Variants in ATAD2B observed in about 807,000 individuals in gnomAD.
ATAD2B encodes the protein ATPase family AAA domain-containing protein 2B.
ATAD2B carries 40 observed loss-of-function variants against 167.6 expected under a neutral mutation model. The ratio of observed to expected loss-of-function variants is 0.24; its 90% CI spans 0.19 to 0.31. The LOEUF is 0.31. Among genes scored for constraint, ATAD2B ranks in the 10% least tolerant of loss-of-function variants. ATAD2B has a pLI of 1.00. For missense variants in ATAD2B, 1,242 were observed against 1,757.2 expected, an observed-to-expected ratio of 0.71 and a Z score of 5.24; for synonymous variants, 579 against 596.5, an observed-to-expected ratio of 0.97 and a Z score of 0.43.
the ATAD2B span, among the ~76,000 whole-genome samples, chr2:23,742,971 G>A: frequency 6.6e-6 from 1 of 152,094 alleles, no homozygotes; most frequent in Non-Finnish European, 1.5e-5. Flanking sequence ...TGAAATTCCA[G>A]AGCATCAGAG....
the ATAD2B span, among the ~76,000 whole-genome samples, chr2:23,740,593 T>C: frequency 2.0e-5 from 3 of 152,178 alleles, no homozygotes; most frequent in African/African-American, 7.2e-5. Flanking sequence ...ACAGCCGATA[T>C]CATACTGAAT....
chr2:23,773,235 T>C (rs1182217257), intron 22 of ATAD2B, among the ~76,000 whole-genome samples: 3 of 152,154 alleles, frequency 2.0e-5, no homozygotes, highest in African/African-American at 7.2e-5. Context: ...GTTGGGCATG[T>C]TGGCTCACAT....
At chr2:23,831,426 T>C (rs545287848) in intron 14 of ATAD2B, among the ~76,000 whole-genome samples, 2 of 152,366 alleles carry the variant, frequency 1.3e-5, no homozygotes, top group Admixed American at 6.5e-5. Flanking sequence ...GATATTCTAT[T>C]GGCCAAACCA....
intron 12 of ATAD2B, among the ~76,000 whole-genome samples, chr2:23,859,393 T>C (rs1166143230): frequency 6.6e-6 from 1 of 152,008 alleles, no homozygotes; most frequent in Non-Finnish European, 1.5e-5. Flanking sequence ...CACCTCAGCC[T>C]CCACCCACCA....
chr2:23,693,516 G>A, the ATAD2B span: 32 of 1,550,264 alleles, frequency 2.1e-5, no homozygotes, highest in Middle Eastern at 3.3e-4. Flanking sequence ...AGGACCCCGC[G>A]ACACGCACAC....
chr2:23,900,815 CAAG>C (rs2150408165), intron 1 of ATAD2B: 1 of 152,266 alleles, frequency 6.6e-6, no homozygotes, highest in South Asian at 2.1e-4. Context: ...ACAAACTGAC[CAAG>C]AAGGGTCTGC....
chr2:23,737,688 G>A, the ATAD2B span, among the ~76,000 whole-genome samples: 1 of 152,226 alleles, frequency 6.6e-6, no homozygotes, highest in Non-Finnish European at 1.5e-5. Context: ...ACGGAACAAA[G>A]CTGGACGCAG....
intron 16 of ATAD2B, among the ~76,000 whole-genome samples, chr2:23,820,205 G>C (rs992172387): frequency 6.6e-6 from 1 of 151,550 alleles, no homozygotes; most frequent in African/African-American, 2.4e-5. Flanking sequence ...AAAAATCTCT[G>C]AGTTAATTTT....
At chr2:23,736,893 A>G in the ATAD2B span, among the ~76,000 whole-genome samples, 1 of 152,192 alleles carries the variant, frequency 6.6e-6, no homozygotes, top group African/African-American at 2.4e-5. Context: ...CCAGGAGATT[A>G]TATCCCGCAC....
At chr2:23,792,864 T>G (rs970543426) in intron 19 of ATAD2B, among the ~76,000 whole-genome samples, 1 of 142,690 alleles carries the variant, frequency 7.0e-6, no homozygotes, top group Admixed American at 7.7e-5. Flanking sequence ...CCAGGAGGCT[T>G]AGGCAGAAGA....
At chr2:23,754,098 C>T (rs920492860) in intron 27 of ATAD2B, 81 bp downstream of exon 27, 1 of 1,201,246 alleles carries the variant, frequency 8.3e-7, no homozygotes, top group African/African-American at 1.6e-5. Flanking sequence ...TAGATGTAGG[C>T]AAAATAACTT....
chr2:23,855,133 G>A (rs535044319), intron 13 of ATAD2B, among the ~76,000 whole-genome samples: 2 of 151,412 alleles, frequency 1.3e-5, no homozygotes, highest in African/African-American at 4.8e-5. Context: ...TGCGGAGGTT[G>A]CAGTGAGCTG....
chr2:23,888,741 T>G (rs999937151), intron 2 of ATAD2B, among the ~76,000 whole-genome samples: 3 of 152,210 alleles, frequency 2.0e-5, no homozygotes, highest in African/African-American at 7.2e-5. Flanking sequence ...CTATTGGTTT[T>G]GGTTGATGAA....
At chr2:23,862,192 T>G (rs1216861854) in intron 12 of ATAD2B, among the ~76,000 whole-genome samples, 2 of 150,074 alleles carry the variant, frequency 1.3e-5, no homozygotes, top group Non-Finnish European at 3.0e-5. Flanking sequence ...GCGTGACCCT[T>G]TCAAAAAAAA....
chr2:23,737,847 T>C, the ATAD2B span, among the ~76,000 whole-genome samples: 2 of 151,832 alleles, frequency 1.3e-5, no homozygotes, highest in African/African-American at 4.8e-5. Flanking sequence ...TGCAGAGAAG[T>C]CCTTAAAGGA....
intron 18 of ATAD2B, among the ~76,000 whole-genome samples, chr2:23,807,423 G>A (rs917259906): frequency 6.6e-6 from 1 of 152,128 alleles, no homozygotes; most frequent in Non-Finnish European, 1.5e-5. Context: ...TTGATCAGAA[G>A]ACTGAAGATA....
At chr2:23,680,176 G>A in the ATAD2B span, among the ~76,000 whole-genome samples, 1 of 152,206 alleles carries the variant, frequency 6.6e-6, no homozygotes, top group Non-Finnish European at 1.5e-5. This position sits in a 1 kb window ranked among gnomAD's most constrained non-coding sequence, Gnocchi z 4.1. Flanking sequence ...CTCACTCAGG[G>A]TGCTGGAGGG....
chr2:23,758,588 G>A (rs1237086974), intron 24 of ATAD2B, among the ~76,000 whole-genome samples: 1 of 152,150 alleles, frequency 6.6e-6, no homozygotes, highest in East Asian at 1.9e-4. Flanking sequence ...ACAGTTAAGG[G>A]TATCCTCACA....
intron 1 of ATAD2B, among the ~76,000 whole-genome samples, chr2:23,924,604 G>C (rs369460353): frequency 6.6e-6 from 1 of 152,290 alleles, no homozygotes; most frequent in South Asian, 2.1e-4. Flanking sequence ...AAAGCAATTA[G>C]ATGACTACAT....
Sources: allele counts gnomAD v4.1 joint callset (sites outside exome capture counted in the v4.1 genomes callset), GRCh38; gene constraint gnomAD v4.1.1; non-coding constraint Gnocchi (gnomAD v3.1); transcripts MANE v1.5; gene names NCBI Gene and HGNC (gene_info 2026-07-23, HGNC 2026-07-21).